METTL14: variants seen among roughly 807,000 people sequenced by gnomAD.
The protein encoded by METTL14 is methyltransferase 14, N6-adenosine-methyltransferase non-catalytic subunit, also known as N(6)-adenosine-methyltransferase non-catalytic subunit METTL14.
METTL14 carries 32 observed loss-of-function variants against 62.4 expected under a neutral mutation model. That is an observed-to-expected ratio of 0.51 (90% CI 0.39 to 0.69). The LOEUF (loss-of-function observed/expected upper bound fraction) is 0.69, where lower values mean the gene tolerates loss of function less well. Among genes scored for constraint, METTL14 ranks in the 30% least tolerant of loss-of-function variants. The pLI is 0.00. For synonymous variants in METTL14, 150 were observed against 180.0 expected, an observed-to-expected ratio of 0.83 and a Z score of 1.34; for missense variants, 340 against 551.9, an observed-to-expected ratio of 0.62 and a Z score of 3.85.
intron 7 of METTL14, among the ~76,000 whole-genome samples, chr4:118,697,719 T>C (rs1027216618): frequency 1.3e-5 from 2 of 152,176 alleles, no homozygotes; most frequent in African/African-American, 4.8e-5. Flanking sequence ...TTAAACAGCT[T>C]ACAGTGTAGT....
chr4:118,689,719 T>A (rs1174413462), intron 3 of METTL14, among the ~76,000 whole-genome samples: 1 of 151,354 alleles, frequency 6.6e-6, no homozygotes, highest in East Asian at 2.0e-4. Flanking sequence ...CTCGGCTCAC[T>A]GCAACCTCCG....
At chr4:118,685,633 TCG>T (rs766301469) in intron 1 of METTL14, 33 bp downstream of exon 1, 3 of 1,604,786 alleles carry the variant, frequency 1.9e-6, no homozygotes. Context: ...GTGGGAGGGA[TCG>T]AGAATGCGAG....
rs755285233 is a variant in METTL14, at chr4:118,689,396, A to T, written c.182A>T (p.Asn61Ile). ...CRASYDTSAP[N>I]AKRKYLDEGE... The stretch of plus-strand genomic sequence containing the variant: ...GCTTCCTATGATACCTCTGCTCCAA[A>T]TGCAAAACGTAAGTATCTGGATGAA... Residue 61 changes from asparagine (N) to isoleucine (I), a missense_variant, in exon 3 of 11, where the codon AAT becomes ATT. Physicochemically the swap from Asn to Ile is moderately radical, Grantham distance 149. This residue lies in a region of METTL14 where 111 missense variants were observed against 116.6 expected (regional missense o/e 0.95). Coordinates refer to ENST00000388822, the MANE Select transcript of METTL14 (RefSeq NM_020961.4). 34 of 1,605,318 alleles carry T rather than the reference A, an allele frequency of 2.1e-5. No homozygotes were observed. Among genetic ancestry groups the T allele is most frequent in the Non-Finnish European group, 2.5e-5 (29 of 1,176,088 alleles).
intron 1 of METTL14, 34 bp downstream of exon 1, chr4:118,685,634 C>T (rs761547476): frequency 6.3e-7 from 1 of 1,595,706 alleles, no homozygotes; most frequent in Non-Finnish European, 8.6e-7. Context: ...TGGGAGGGAT[C>T]GAGAATGCGA....
intron 6 of METTL14, among the ~76,000 whole-genome samples, chr4:118,695,941 C>T (rs1015797604): frequency 6.6e-6 from 1 of 151,506 alleles, no homozygotes; most frequent in Non-Finnish European, 1.5e-5. Flanking sequence ...GAAACCTTGT[C>T]TCTATTAAAA....
chr4:118,690,194 C>T lies in METTL14; in HGVS notation c.243+737C>T, dbSNP rs138832843. 3.6e-3 allele frequency among the ~76,000 whole-genome samples: 550 copies of T among 151,352 alleles called. 5 individuals carry two copies. The highest frequency in any genetic ancestry group is 0.013 in the African/African-American group (522 of 41,282). On this transcript the variant is annotated intron_variant, in intron 3 of 10. Transcript: ENST00000388822. ...TAGCTGGGACTACAAGCACGCACCA[C>T]GACGCCCGGCTATTTTTGTATTTTC...
At chr4:118,702,769 AAAAAT>A (rs572499939) in intron 8 of METTL14, among the ~76,000 whole-genome samples, 198 of 152,108 alleles carry the variant, frequency 1.3e-3, no homozygotes, top group African/African-American at 4.1e-3. Flanking sequence ...CTCCATCTCA[AAAAAT>A]AAAATAAAAT....
At position 118,713,830 on chromosome 4, in the gene METTL14, A is replaced by G. The variant is rs1365426233; in HGVS notation, c.*3528A>G. ...TGAAGACTTCATTTCTGGAAATACC[A>G]CATTGCTTCTGCTCTCAATAACTCT... On this transcript the variant is annotated 3_prime_UTR_variant, in exon 11 of 11. Coordinates refer to ENST00000388822, the MANE Select transcript of METTL14 (RefSeq NM_020961.4). 6.6e-6 allele frequency: 1 copy of G among 152,234 alleles called. No homozygotes were observed. The highest frequency in any genetic ancestry group is 1.5e-5 in the Non-Finnish European group (1 of 68,042). 9.4% of individuals were successfully genotyped at this position (152,234 alleles called of 1,614,324 possible).
At chr4:118,708,051 C>T (rs542615114) in intron 10 of METTL14, among the ~76,000 whole-genome samples, 3 of 152,234 alleles carry the variant, frequency 2.0e-5, no homozygotes, top group Non-Finnish European at 4.4e-5. Flanking sequence ...GTCTCGAACT[C>T]CTGACCCCAA....
intron 5 of METTL14, 53 bp downstream of exon 5, chr4:118,692,121 G>T: frequency 1.9e-6 from 2 of 1,035,054 alleles, no homozygotes; most frequent in Non-Finnish European, 2.9e-6. Flanking sequence ...TTACATGCAT[G>T]TAATTTATCC....
intron 3 of METTL14, among the ~76,000 whole-genome samples, chr4:118,691,137 T>G (rs1417532803): frequency 6.6e-6 from 1 of 152,162 alleles, no homozygotes; most frequent in Non-Finnish European, 1.5e-5. Context: ...ATGTTAGTGA[T>G]TATTTTAGGT....
Position 118,711,217 on chromosome 4 carries a change from A to T in METTL14, c.*915A>T, listed in dbSNP as rs969801333. 6.6e-6 allele frequency: 1 copy of T among 152,236 alleles called. No homozygotes were observed. Among genetic ancestry groups the T allele is most frequent in the African/African-American group, 2.4e-5 (1 of 41,472 alleles). 9.4% of individuals were successfully genotyped at this position (152,236 alleles called of 1,614,324 possible). The stretch of plus-strand genomic sequence containing the variant: ...GTTTAATGTAAAACCAACTACGGAA[A>T]ACCCTCAACTTAAGGATACAGCTTG... On this transcript the variant is annotated 3_prime_UTR_variant, in exon 11 of 11. Coordinates refer to ENST00000388822, the MANE Select transcript of METTL14 (RefSeq NM_020961.4).
intron 8 of METTL14, among the ~76,000 whole-genome samples, chr4:118,703,455 C>T (rs1724663142): frequency 6.6e-6 from 1 of 152,182 alleles, no homozygotes; most frequent in Admixed American, 6.6e-5. Context: ...AACATTTTTA[C>T]AGTTGTATTA....
intron 3 of METTL14, among the ~76,000 whole-genome samples, chr4:118,690,692 A>AC (rs1445240205): frequency 1.3e-5 from 2 of 151,998 alleles, no homozygotes; most frequent in South Asian, 2.1e-4. Context: ...AAAAAAAAAA[A>AC]AAACACAAAA....
rs144170250 is a variant in METTL14, at chr4:118,695,441, C to T, written c.503+915C>T. ...GTGCACGCCTGTAATCCCAGCTACTCGAGAGGCTGAGGCAGTAGAATCGTT... is the reference window on the plus strand; with the variant it reads ...GTGCACGCCTGTAATCCCAGCTACTTGAGAGGCTGAGGCAGTAGAATCGTT... On this transcript the variant is annotated intron_variant, in intron 6 of 10. Transcript: ENST00000388822. 5.3e-3 allele frequency among the ~76,000 whole-genome samples: 810 copies of T among 151,874 alleles called. 10 individuals are homozygous for T. The highest frequency in any genetic ancestry group is 0.018 in the African/African-American group (750 of 41,426).
chr4:118,702,432 A>G (rs1360167454), intron 8 of METTL14, among the ~76,000 whole-genome samples: 2 of 152,106 alleles, frequency 1.3e-5, no homozygotes, highest in Non-Finnish European at 2.9e-5. Flanking sequence ...CTGGTGCAAA[A>G]TAAATATTTA....
At chr4:118,698,450 C>G (rs1427033837) in intron 7 of METTL14, among the ~76,000 whole-genome samples, 1 of 82,742 alleles carries the variant, frequency 1.2e-5, no homozygotes, top group Non-Finnish European at 2.3e-5. Flanking sequence ...AAGACTCTGT[C>G]TCAAAAAAAA....
rs778682175 is a variant in METTL14, at chr4:118,710,024, A to G, written c.1093A>G (p.Thr365Ala). The G allele has an allele frequency of 6.2e-7, 1 of 1,612,066 alleles. No individual in the cohort carries two copies. Among genetic ancestry groups the G allele is most frequent in the Middle Eastern group, 1.7e-4 (1 of 6,050 alleles). ...CTGGCTCACAGTTGGACCAACGCTT[A>G]CAAATAGCAACTACAATGCAGAAAC... Reference protein sequence around the residue: ...PGWLTVGPTLTNSNYNAETYA... With the variant: ...PGWLTVGPTLANSNYNAETYA... The change falls in exon 11 of 11, where the codon ACA becomes GCA. Residue 365 changes from threonine to alanine, a missense_variant. Physicochemically the swap from Thr to Ala is moderately conservative, Grantham distance 58. Around this residue, in one of 7 missense-constraint regions of METTL14, gnomAD observed 62 missense variants for 82.3 expected, o/e 0.75. Coordinates refer to ENST00000388822, the MANE Select transcript of METTL14 (RefSeq NM_020961.4).
At chr4:118,692,174 A>T in intron 5 of METTL14, 106 bp downstream of exon 5, 1 of 710,634 alleles carries the variant, frequency 1.4e-6, no homozygotes, top group East Asian at 2.9e-5. Flanking sequence ...CCAGCTTGAC[A>T]TCTTTTTTTC....
Sources: gnomAD v4.1 joint callset for allele counts (sites outside exome capture counted in the v4.1 genomes callset) on GRCh38, gnomAD v4.1.1 for gene constraint, gnomAD v4.1.1 regional missense constraint, MANE v1.5 for transcripts, NCBI Gene and HGNC (gene_info 2026-07-23, HGNC 2026-07-21) for gene names.